Variants in ADD2 observed in about 807,000 individuals in gnomAD.
ADD2 encodes beta-adducin.
ADD2 carries 23 observed loss-of-function variants against 83.0 expected under a neutral mutation model. That is an observed-to-expected ratio of 0.28 (90% CI 0.20 to 0.39). ADD2 has a LOEUF of 0.39. Ranked by LOEUF, ADD2 falls within the 10% of genes least tolerant of loss-of-function variation. The pLI is 1.00. For synonymous variants in ADD2, 375 were observed against 375.4 expected (o/e 1.00, Z 0.01); for missense variants, 758 against 944.9 (o/e 0.80, Z 2.59).
At chr2:70,717,369 G>A (rs1553376577) in intron 1 of ADD2, among the ~76,000 whole-genome samples, 1 of 152,164 alleles carries the variant, frequency 6.6e-6, no homozygotes, top group African/African-American at 2.4e-5. Flanking sequence ...ATAGATGCCC[G>A]AGTTGTCTGA....
chr2:70,708,953 T>C (rs1553375017), intron 2 of ADD2, among the ~76,000 whole-genome samples: 1 of 152,202 alleles, frequency 6.6e-6, no homozygotes, highest in African/African-American at 2.4e-5. Context: ...GTCACTTTCC[T>C]TTTTCTGTCC....
In ADD2 at chr2:70,722,924, C is replaced by G. The variant is rs369588105; in HGVS notation, c.-153-9740G>C. Among the ~76,000 whole-genome samples the G allele has an allele frequency of 3.9e-5, 6 of 152,326 alleles. No homozygotes were observed. In the South Asian group the frequency reaches 6.2e-4, roughly 16 times the overall value. On this transcript the variant is annotated intron_variant, in intron 1 of 15. Transcript: ENST00000264436. Reference sequence around the variant, plus strand: ...GTGCTCGATCAATGCTAGTTCCCATCCCCTATATTCTCTCTACAAGAACAC... The same window carrying G: ...GTGCTCGATCAATGCTAGTTCCCATGCCCTATATTCTCTCTACAAGAACAC...
intron 1 of ADD2, among the ~76,000 whole-genome samples, chr2:70,757,332 G>A (rs1553384047): frequency 1.3e-5 from 2 of 151,992 alleles, no homozygotes; most frequent in African/African-American, 4.8e-5. Context: ...TTTATTAGAA[G>A]CCCTTCAGTC....
chr2:70,663,595 T>C lies in ADD2; in HGVS notation c.2011A>G (p.Thr671Ala). Residue 671 changes from threonine (T) to alanine (A), a missense_variant, in exon 16 of 16, where the codon ACC becomes GCC. Physicochemically the swap from Thr to Ala is moderately conservative, Grantham distance 58 (BLOSUM62 0). This residue lies in a region of ADD2 where 165 missense variants were observed against 176.2 expected (regional missense o/e 0.94). Coordinates refer to ENST00000264436, the MANE Select transcript of ADD2 (RefSeq NM_001617.4). ...ILSKGLSQMT[T>A]SADTDVDTSK... Reference sequence around the variant, plus strand: ...GTATCAACATCCGTGTCAGCACTGGTGGTCATCTGGCTCAGGCCTTTGCTG... The same window carrying C: ...GTATCAACATCCGTGTCAGCACTGGCGGTCATCTGGCTCAGGCCTTTGCTG... 6.2e-7 allele frequency: 1 copy of C among 1,614,162 alleles called. No individual in the cohort carries two copies. Among genetic ancestry groups the C allele is most frequent in the Non-Finnish European group, 8.5e-7 (1 of 1,180,040 alleles).
chr2:70,692,835 G>A (rs1671116831), intron 6 of ADD2, among the ~76,000 whole-genome samples: 1 of 152,206 alleles, frequency 6.6e-6, no homozygotes, highest in Non-Finnish European at 1.5e-5. Flanking sequence ...TCAAATGCAG[G>A]TTCTGATTCA....
At chr2:70,665,327 C>T (rs1367822962) in intron 15 of ADD2, among the ~76,000 whole-genome samples, 1 of 152,138 alleles carries the variant, frequency 6.6e-6, no homozygotes, top group Non-Finnish European at 1.5e-5. Flanking sequence ...CTGGGCAAGT[C>T]AAAGTGCCCC....
intron 14 of ADD2, 150 bp from the exon 15 acceptor site, chr2:70,673,156 CT>C (rs1377747293): frequency 1.3e-5 from 21 of 1,564,080 alleles, no homozygotes; most frequent in African/African-American, 1.2e-4. Flanking sequence ...GCTCCTCCCC[CT>C]GACCTTCTTA....
chr2:70,665,831 T>C (rs201438148), intron 15 of ADD2, among the ~76,000 whole-genome samples: 120 of 144,382 alleles, frequency 8.3e-4, no homozygotes, highest in Non-Finnish European at 1.4e-3. Flanking sequence ...TTTTTTTTTT[T>C]CCCGAAACAG....
chr2:70,688,085 C>T lies in ADD2; in HGVS notation c.887G>A (p.Gly296Asp). 1 of 1,614,164 alleles carries T rather than the reference C, an allele frequency of 6.2e-7. No homozygotes were observed. The highest frequency in any genetic ancestry group is 8.5e-7 in the Non-Finnish European group (1 of 1,179,998). ...GTAAAATGCCTCCTCTACCGTGTCACCCAGAGCAACCACTCCATGGTTTCT... is the reference window on the plus strand; with the variant it reads ...GTAAAATGCCTCCTCTACCGTGTCATCCAGAGCAACCACTCCATGGTTTCT... Reference protein sequence around the residue: ...VLRNHGVVALGDTVEEAFYKI... With the variant: ...VLRNHGVVALDDTVEEAFYKI... The change falls in exon 9 of 16, where the codon GGT becomes GAT. Residue 296 changes from glycine (G) to aspartate (D), a missense_variant. Physicochemically the swap from Gly to Asp is moderately conservative, Grantham distance 94 (BLOSUM62 -1). Transcript: ENST00000264436.
chr2:70,715,187 G>A (rs1198964109), intron 1 of ADD2, among the ~76,000 whole-genome samples: 1 of 152,168 alleles, frequency 6.6e-6, no homozygotes, highest in African/African-American at 2.4e-5. Context: ...AGATCAGCAA[G>A]TTTTAATGAG....
At chr2:70,720,413 C>A (rs2052274) in intron 1 of ADD2, among the ~76,000 whole-genome samples, 38,764 of 152,060 alleles carry the variant, frequency 0.25, 5,456 homozygotes, top group East Asian at 0.56. Flanking sequence ...CAGTGAGGCT[C>A]AGGCCATGAT....
In ADD2 at chr2:70,663,684, G is replaced by C; in HGVS notation, c.1922C>G (p.Thr641Arg). ...TSKAATTEPE[T>R]TQPEGVVVNG... ...GACCACCACCCCTTCCGGCTGGGTT[G>C]TTTCGGGCTCTGTGGTGGCGGCTTT... Residue 641 changes from threonine (T) to arginine (R), a missense_variant, in exon 16 of 16, where the codon ACA becomes AGA. Physicochemically the swap from Thr to Arg is moderately conservative, Grantham distance 71. Coordinates refer to ENST00000264436, the MANE Select transcript of ADD2 (RefSeq NM_001617.4). 6.2e-7 allele frequency: 1 copy of C among 1,614,136 alleles called. No individual in the cohort carries two copies.
chr2:70,695,552 C>T (rs1034565939), intron 6 of ADD2, among the ~76,000 whole-genome samples, 169 bp downstream of exon 6: 5 of 152,158 alleles, frequency 3.3e-5, no homozygotes, highest in Admixed American at 6.5e-5. Flanking sequence ...GTCTCTTGGT[C>T]GCATCATGCT....
chr2:70,735,236 C>T (rs1342494400), intron 1 of ADD2, among the ~76,000 whole-genome samples: 1 of 151,982 alleles, frequency 6.6e-6, no homozygotes. Context: ...AAAAAGAGTG[C>T]CCTCTGAATG....
At position 70,661,394 on chromosome 2, in the gene ADD2, AG is replaced by A. The variant is rs1553364972; in HGVS notation, c.*2030del. ...AAGGCATCAAGGGATTGGCTTTTAA[AG>A]GCATTTCCCATATGACAGATTTTTC... On this transcript the variant is annotated 3_prime_UTR_variant, in exon 16 of 16. Transcript: ENST00000264436. The A allele has an allele frequency of 6.6e-6, 1 of 152,212 alleles. No homozygotes were observed. Among genetic ancestry groups the A allele is most frequent in the African/African-American group, 2.4e-5 (1 of 41,460 alleles). 9.4% of individuals were successfully genotyped at this position (152,212 alleles called of 1,614,324 possible).
chr2:70,657,553 TG>T lies in ADD2; in HGVS notation c.*5871del, dbSNP rs1244371436. ...ACAGGTGTGAGGTGGAGTGGAAGTG[TG>T]GGGGTGGGGTTCCCTGAAATATATT... is the stretch of plus-strand genomic sequence containing the variant. On this transcript the variant is annotated 3_prime_UTR_variant, in exon 16 of 16. Coordinates refer to ENST00000264436, the MANE Select transcript of ADD2 (RefSeq NM_001617.4). The T allele has an allele frequency of 3.3e-5, 5 of 152,160 alleles. No individual in the cohort carries two copies. The highest frequency in any genetic ancestry group is 1.2e-4 in the African/African-American group (5 of 41,432). The allele number at this position is 152,160 out of a possible 1,614,324, so 9.4% of individuals were successfully genotyped here. A position where few individuals can be genotyped will look rare whatever the true frequency, so the allele number is the denominator to read the frequency against.
At chr2:70,755,265 G>A (rs1340399956) in intron 1 of ADD2, among the ~76,000 whole-genome samples, 1 of 152,154 alleles carries the variant, frequency 6.6e-6, no homozygotes, top group Non-Finnish European at 1.5e-5. Flanking sequence ...CTCGGCCAAT[G>A]ATGTGGCCTC....
intron 11 of ADD2, 111 bp downstream of exon 11, chr2:70,678,593 G>A (rs1006035495): frequency 9.1e-6 from 13 of 1,425,350 alleles, no homozygotes; most frequent in Admixed American, 2.5e-5. Flanking sequence ...CAAAGAGGAT[G>A]CTACTAACCT....
In ADD2 at chr2:70,706,087, G is replaced by T. The variant is rs915381164; in HGVS notation, c.183+139C>A. The T allele has an allele frequency of 1.4e-5, 12 of 853,592 alleles. No individual in the cohort carries two copies. The highest frequency in any genetic ancestry group is 7.0e-6 in the Non-Finnish European group (4 of 569,626). 52.9% of individuals were successfully genotyped at this position (853,592 alleles called of 1,614,324 possible). ...AGAGTGTCAAGGCCCCAGGTGACCA[G>T]ATCCGTCTTGCTCAGTGGGCTTACA... is the stretch of plus-strand genomic sequence containing the variant. On this transcript the variant is annotated intron_variant, in intron 3 of 15. Coordinates refer to ENST00000264436, the MANE Select transcript of ADD2 (RefSeq NM_001617.4). This position sits in a 1 kb window ranked among gnomAD's most constrained non-coding sequence, Gnocchi z 5.0.
Sources: gnomAD v4.1 joint callset for allele counts (sites outside exome capture counted in the v4.1 genomes callset) on GRCh38, gnomAD v4.1.1 for gene constraint, gnomAD v4.1.1 regional missense constraint, Gnocchi (gnomAD v3.1) non-coding constraint, MANE v1.5 for transcripts, NCBI Gene and HGNC (gene_info 2026-07-23, HGNC 2026-07-21) for gene names.